The following ANKRD30A variants were observed in gnomAD, a reference collection of about 807,000 sequenced individuals.
The protein encoded by ANKRD30A is ankyrin repeat domain 30A.
A neutral mutation model predicts 166.3 loss-of-function variants in ANKRD30A; 170 were observed. That is an observed-to-expected ratio of 1.02 (90% CI 0.90 to 1.16). ANKRD30A has a LOEUF of 1.16. Ranked by LOEUF, ANKRD30A falls within the 50% of genes most tolerant of loss-of-function variation. ANKRD30A has a pLI of 0.00. For synonymous variants in ANKRD30A, 564 were observed against 508.9 expected, an observed-to-expected ratio of 1.11 and a Z score of -1.46; for missense variants, 1,630 against 1,518.0, an observed-to-expected ratio of 1.07 and a Z score of -1.23.
chr10:37,236,180 T>C (rs549815764), downstream of ANKRD30A, among the ~76,000 whole-genome samples: 30 of 152,278 alleles, frequency 2.0e-4, no homozygotes, highest in Middle Eastern at 3.4e-3. Flanking sequence ...TATGTAGCCA[T>C]CTTGGTGGGG....
At chr10:37,196,693 G>T (rs1216259486) in intron 27 of ANKRD30A, among the ~76,000 whole-genome samples, 1 of 152,074 alleles carries the variant, frequency 6.6e-6, no homozygotes, top group Non-Finnish European at 1.5e-5. Context: ...ACATCTTCTT[G>T]CATGAGTGGA....
rs1400976227 is a variant in ANKRD30A, at chr10:37,134,000, A to C, written c.702A>C (p.Ala234=). The change falls in exon 5 of 36, where the codon GCA becomes GCC. Residue 234 remains alanine, a synonymous_variant. Coordinates refer to ENST00000361713, the MANE Select transcript of ANKRD30A (RefSeq NM_052997.3). ...AGCAAAATGTTGACGTCTTTGCTGC[A>C]GATATATGTGGAGTAACTGCAGAAC... is the stretch of plus-strand genomic sequence containing the variant. ...LLQQNVDVFA[A]DICGVTAEHY... 1 of 1,614,002 alleles carries C rather than the reference A, an allele frequency of 6.2e-7. No individual in the cohort carries two copies. The highest frequency in any genetic ancestry group is 1.1e-5 in the South Asian group (1 of 91,082).
At chr10:37,191,861 G>A (rs1413525449) in intron 25 of ANKRD30A, among the ~76,000 whole-genome samples, 5 of 151,922 alleles carry the variant, frequency 3.3e-5, no homozygotes, top group South Asian at 2.1e-4. Flanking sequence ...CGGGCGTGGT[G>A]GTGGGTGCCT....
the ANKRD30A span, among the ~76,000 whole-genome samples, chr10:37,241,529 A>T: frequency 3.3e-5 from 5 of 151,966 alleles, no homozygotes; most frequent in Non-Finnish European, 7.4e-5. Context: ...AGTTTTACAT[A>T]CTCAAATGAT....
intron 34 of ANKRD30A, among the ~76,000 whole-genome samples, chr10:37,226,257 T>TC (rs1461811287): frequency 2.1e-5 from 1 of 47,042 alleles, no homozygotes; most frequent in Non-Finnish European, 3.9e-5. Flanking sequence ...CCCTCCCCCC[T>TC]CCCCCCACCC....
intron 27 of ANKRD30A, among the ~76,000 whole-genome samples, chr10:37,196,685 A>T (rs1564551264): frequency 6.6e-6 from 1 of 152,178 alleles, no homozygotes; most frequent in African/African-American, 2.4e-5. Context: ...AGTTTTACAC[A>T]TCTTCTTGCA....
rs1588749391 is a variant in ANKRD30A at position 37,133,927 on chromosome 10, T to C, written c.629T>C (p.Met210Thr). ...AVNKYKCTAL[M>T]LAVCHGSSEI... is the part of the protein sequence containing the mutation. ...CTTTGTTATTTTAGCACAGCCCTCA[T>C]GCTTGCTGTATGTCATGGATCATCA... Residue 210 changes from methionine to threonine, a missense_variant, in exon 5 of 36, where the codon ATG becomes ACG. Around this residue, in one of 4 missense-constraint regions of ANKRD30A, gnomAD observed 904 missense variants for 818.5 expected, o/e 1.10. Coordinates refer to ENST00000361713, the MANE Select transcript of ANKRD30A (RefSeq NM_052997.3). 6.2e-7 allele frequency: 1 copy of C among 1,614,032 alleles called. No homozygotes were observed. The highest frequency in any genetic ancestry group is 1.7e-4 in the Middle Eastern group (1 of 6,056).
chr10:37,224,459 TACAC>T (rs199996652), intron 34 of ANKRD30A, among the ~76,000 whole-genome samples: 11 of 149,764 alleles, frequency 7.3e-5, no homozygotes, highest in Non-Finnish European at 1.5e-4. Context: ...TTGTTTTTGA[TACAC>T]ACACACACAC....
chr10:37,248,028 GA>G, the ANKRD30A span: 112,328 of 303,910 alleles, frequency 0.37, 11,428 homozygotes, highest in Non-Finnish European at 0.4. Context: ...AAGTAAAACT[GA>G]AAAAAAAAAA....
At chr10:37,134,269 G>T (rs12765283) in intron 5 of ANKRD30A, among the ~76,000 whole-genome samples, 7,283 of 152,132 alleles carry the variant, frequency 0.048, 235 homozygotes, top group South Asian at 0.061. Context: ...TTAGTTATTT[G>T]GGTCTTGAAG....
intron 11 of ANKRD30A, 112 bp downstream of exon 11, chr10:37,149,961 C>A: frequency 1.4e-6 from 2 of 1,423,254 alleles, no homozygotes; most frequent in Non-Finnish European, 9.6e-7. Context: ...AACATTTGAT[C>A]TAGATAATGC....
In ANKRD30A at chr10:37,125,867, C is replaced by A; in HGVS notation, c.80C>A (p.Thr27Asn). Residue 27 changes from threonine (T) to asparagine (N), a missense_variant, in exon 1 of 36, where the codon ACC becomes AAC. By Grantham distance (65) the Thr-to-Asn change is moderately conservative (BLOSUM62 0). Around this residue, in one of 4 missense-constraint regions of ANKRD30A, gnomAD observed 904 missense variants for 818.5 expected, o/e 1.10. Transcript: ENST00000361713. ...AGCCCTTTCAGCCAGCTAGTCTATA[C>A]CAGCAACGACTCCTACATCGTCCAC... The part of the protein sequence containing the change: ...RPSPFSQLVY[T>N]SNDSYIVHSG... The A allele has an allele frequency of 6.9e-7, 1 of 1,454,398 alleles. No individual in the cohort carries two copies. The highest frequency in any genetic ancestry group is 9.6e-7 in the Non-Finnish European group (1 of 1,044,842). 90.1% of individuals were successfully genotyped at this position (1,454,398 alleles called of 1,614,324 possible).
intron 13 of ANKRD30A, among the ~76,000 whole-genome samples, chr10:37,154,696 G>A (rs1838231077): frequency 6.6e-6 from 1 of 152,150 alleles, no homozygotes. Flanking sequence ...GAGATTGTGA[G>A]GCAGGAAGCA....
chr10:37,211,214 A>G (rs1588933450), intron 31 of ANKRD30A, among the ~76,000 whole-genome samples: 1 of 152,066 alleles, frequency 6.6e-6, no homozygotes, highest in East Asian at 1.9e-4. Flanking sequence ...ATATGTATAC[A>G]TGTGCCATAT....
chr10:37,256,978 T>A, the ANKRD30A span, among the ~76,000 whole-genome samples: 10 of 152,160 alleles, frequency 6.6e-5, no homozygotes, highest in Non-Finnish European at 1.3e-4. Context: ...TACCAGCTCC[T>A]CTTTATACCT....
At chr10:37,130,445 A>G (rs1036951441) in intron 3 of ANKRD30A, 67 bp downstream of exon 3, 23 of 1,260,088 alleles carry the variant, frequency 1.8e-5, no homozygotes, top group Non-Finnish European at 2.4e-5. Context: ...AACATATGTA[A>G]GGTTTTTTAT....
intron 21 of ANKRD30A, among the ~76,000 whole-genome samples, chr10:37,172,074 G>A (rs17590715): frequency 3.6e-5 from 5 of 140,180 alleles, no homozygotes; most frequent in South Asian, 2.2e-4. Context: ...GACCGGGTGC[G>A]GTGGCTCACG....
chr10:37,250,508 A>G, the ANKRD30A span, among the ~76,000 whole-genome samples: 1 of 152,122 alleles, frequency 6.6e-6, no homozygotes, highest in Non-Finnish European at 1.5e-5. Flanking sequence ...GCCAGTAAAT[A>G]TGGTAACGTC....
chr10:37,201,634 G>A (rs1841634402), intron 31 of ANKRD30A, among the ~76,000 whole-genome samples: 1 of 152,090 alleles, frequency 6.6e-6, no homozygotes, highest in East Asian at 1.9e-4. Context: ...AGCGTACAGA[G>A]AGTACATGAA....
Sources: gnomAD v4.1 joint callset for allele counts (sites outside exome capture counted in the v4.1 genomes callset) on GRCh38, gnomAD v4.1.1 for gene constraint, gnomAD v4.1.1 regional missense constraint, MANE v1.5 for transcripts, NCBI Gene and HGNC (gene_info 2026-07-23, HGNC 2026-07-21) for gene names.